The following ITGA9 variants were observed in gnomAD, a reference collection of about 807,000 sequenced individuals.
ITGA9 encodes integrin alpha-9.
ITGA9 carries 56 observed loss-of-function variants against 127.8 expected under a neutral mutation model. That is an observed-to-expected ratio of 0.44 (90% CI 0.35 to 0.55). The LOEUF is 0.55. Among genes scored for constraint, ITGA9 ranks in the 20% least tolerant of loss-of-function variants. The pLI is 0.00. For missense variants in ITGA9, 1,196 were observed against 1,347.1 expected, an observed-to-expected ratio of 0.89 and a Z score of 1.76; for synonymous variants, 508 against 514.5, an observed-to-expected ratio of 0.99 and a Z score of 0.17.
chr3:37,508,266 GT>G lies in ITGA9; in HGVS notation c.829-291del, dbSNP rs988309442. Reference sequence around the variant, plus strand: ...AACAAAATACTAGCTTTTTCTCAGAGTTGAATTGTTTACTTGTAATTTGGAA... The same window carrying G: ...AACAAAATACTAGCTTTTTCTCAGAGTGAATTGTTTACTTGTAATTTGGAA... On this transcript the variant is annotated intron_variant, in intron 7 of 27. Transcript: ENST00000264741. Among the ~76,000 whole-genome samples, 18 of 152,330 alleles carry G rather than the reference GT, an allele frequency of 1.2e-4. No individual in the cohort carries two copies. The East Asian group carries it at 2.5e-3, about 21-fold the overall frequency.
chr3:37,488,773 G>C (rs879744828), intron 4 of ITGA9, among the ~76,000 whole-genome samples: 1 of 151,262 alleles, frequency 6.6e-6, no homozygotes, highest in African/African-American at 2.4e-5. Flanking sequence ...ACTCCAGTCT[G>C]GGTGACAGAA....
intron 18 of ITGA9, among the ~76,000 whole-genome samples, chr3:37,688,236 G>C (rs780259659): frequency 1.3e-5 from 2 of 152,178 alleles, no homozygotes; most frequent in South Asian, 4.1e-4. Context: ...GAATGTGAGC[G>C]AGGTGCTAGC....
chr3:37,655,995 G>C (rs1700473946), intron 17 of ITGA9, among the ~76,000 whole-genome samples: 1 of 152,182 alleles, frequency 6.6e-6, no homozygotes, highest in Non-Finnish European at 1.5e-5. Context: ...TCAAAGATCA[G>C]ATGGTTGTAG....
At chr3:37,537,453 T>C (rs1294048831) in intron 14 of ITGA9, among the ~76,000 whole-genome samples, 1 of 152,016 alleles carries the variant, frequency 6.6e-6, no homozygotes, top group Non-Finnish European at 1.5e-5. Context: ...CAGTGCAGGG[T>C]AGAGAAGGGT....
chr3:37,612,677 T>G (rs1700034563), intron 15 of ITGA9, among the ~76,000 whole-genome samples: 2 of 152,240 alleles, frequency 1.3e-5, no homozygotes, highest in Non-Finnish European at 2.9e-5. Context: ...AGATATGCTT[T>G]TGGTTGACAG....
chr3:37,669,005 C>T (rs1393648032), intron 17 of ITGA9, among the ~76,000 whole-genome samples: 1 of 152,172 alleles, frequency 6.6e-6, no homozygotes, highest in Non-Finnish European at 1.5e-5. Flanking sequence ...ACGTGTGAGA[C>T]TTGGGTTTAA....
intron 16 of ITGA9, among the ~76,000 whole-genome samples, chr3:37,648,961 A>G (rs1278516274): frequency 6.6e-6 from 1 of 152,134 alleles, no homozygotes; most frequent in Admixed American, 6.5e-5. Context: ...TGGGGGGAGC[A>G]GAGGGAAAAT....
At chr3:37,595,056 C>T (rs1344853706) in intron 15 of ITGA9, among the ~76,000 whole-genome samples, 1 of 152,146 alleles carries the variant, frequency 6.6e-6, no homozygotes, top group East Asian at 1.9e-4. Flanking sequence ...TTCCCAGTTA[C>T]TTCTCCTGGA....
intron 26 of ITGA9, among the ~76,000 whole-genome samples, chr3:37,796,514 GA>G (rs898100826): frequency 4.1e-4 from 62 of 152,114 alleles, no homozygotes; most frequent in African/African-American, 1.5e-3. Context: ...TGGATGGATG[GA>G]ACGACGGACA....
At chr3:37,664,614 T>C (rs989998571) in intron 17 of ITGA9, among the ~76,000 whole-genome samples, 3 of 151,518 alleles carry the variant, frequency 2.0e-5, no homozygotes, top group African/African-American at 7.3e-5. Context: ...AAGACAGGGT[T>C]TCTCCATGTT....
At chr3:37,634,457 C>T (rs990303147) in intron 16 of ITGA9, among the ~76,000 whole-genome samples, 1 of 152,138 alleles carries the variant, frequency 6.6e-6, no homozygotes, top group South Asian at 2.1e-4. Flanking sequence ...CAGGAGTAGA[C>T]TTTAAGTCAA....
chr3:37,816,297 C>T (rs1382423935), intron 27 of ITGA9, among the ~76,000 whole-genome samples: 1 of 152,184 alleles, frequency 6.6e-6, no homozygotes, highest in Non-Finnish European at 1.5e-5. Context: ...TGTTAAGTTT[C>T]TGCTTGATAG....
intron 4 of ITGA9, among the ~76,000 whole-genome samples, chr3:37,487,913 G>A (rs139714645): frequency 1.4e-3 from 210 of 152,166 alleles, no homozygotes; most frequent in African/African-American, 4.7e-3. Flanking sequence ...TTTCAGTTTT[G>A]CAATTATAGA....
At chr3:37,547,013 A>G (rs920150813) in intron 15 of ITGA9, among the ~76,000 whole-genome samples, 7 of 152,194 alleles carry the variant, frequency 4.6e-5, no homozygotes, top group Non-Finnish European at 2.9e-5. Flanking sequence ...CGATGGCAAC[A>G]GTTCTGAGTC....
intron 4 of ITGA9, among the ~76,000 whole-genome samples, chr3:37,494,259 C>A (rs141351543): frequency 6.6e-6 from 1 of 152,170 alleles, no homozygotes; most frequent in African/African-American, 2.4e-5. Context: ...TTCTCGCACA[C>A]GAGGGGAGGA....
chr3:37,635,655 G>C (rs865833010), intron 16 of ITGA9, among the ~76,000 whole-genome samples: 10 of 149,638 alleles, frequency 6.7e-5, no homozygotes, highest in South Asian at 4.2e-4. Flanking sequence ...TATACTTTAA[G>C]TTTTAGGGTA....
chr3:37,557,471 T>A (rs2125597826), intron 15 of ITGA9, among the ~76,000 whole-genome samples: 1 of 152,304 alleles, frequency 6.6e-6, no homozygotes, highest in East Asian at 1.9e-4. Flanking sequence ...ATAGGTAGCC[T>A]GGGGGTCTTT....
At chr3:37,676,693 G>A (rs1700685595) in intron 17 of ITGA9, among the ~76,000 whole-genome samples, 1 of 152,170 alleles carries the variant, frequency 6.6e-6, no homozygotes, top group Admixed American at 6.5e-5. Flanking sequence ...TGTATCTTAA[G>A]TTGGTCACTC....
At chr3:37,582,679 A>G (rs531526223) in intron 15 of ITGA9, among the ~76,000 whole-genome samples, 1 of 152,156 alleles carries the variant, frequency 6.6e-6, no homozygotes, top group Non-Finnish European at 1.5e-5. Flanking sequence ...GGTTCTGTAC[A>G]ATCCCATTAA....
Sources: gnomAD v4.1 joint callset for allele counts (sites outside exome capture counted in the v4.1 genomes callset) on GRCh38, gnomAD v4.1.1 for gene constraint, MANE v1.5 for transcripts, NCBI Gene and HGNC (gene_info 2026-07-23, HGNC 2026-07-21) for gene names.